C16orf78: variants seen among roughly 807,000 people sequenced by gnomAD.
C16orf78 encodes uncharacterized protein C16orf78.
In C16orf78, 19 loss-of-function variants were observed where a neutral mutation model predicts 27.3. The ratio of observed to expected loss-of-function variants is 0.70; its 90% CI spans 0.49 to 1.02. C16orf78 has a LOEUF of 1.02. C16orf78 is among the 50% of genes least tolerant of loss of function. The pLI is 0.00. For missense variants in C16orf78, 339 were observed against 337.0 expected (o/e 1.01, Z -0.05); for synonymous variants, 130 against 116.1 (o/e 1.12, Z -0.77).
intron 3 of C16orf78, among the ~76,000 whole-genome samples, chr16:49,384,118 G>A (rs1165763802): frequency 1.3e-5 from 2 of 152,152 alleles, no homozygotes; most frequent in Non-Finnish European, 2.9e-5. Context: ...GGAGGCCAAG[G>A]CAGGTGGATC....
At chr16:49,380,428 C>T (rs886322376) in intron 3 of C16orf78, among the ~76,000 whole-genome samples, 2 of 152,148 alleles carry the variant, frequency 1.3e-5, no homozygotes, top group African/African-American at 2.4e-5. Context: ...CCATACCTTC[C>T]CCGAATTTTC....
intron 3 of C16orf78, among the ~76,000 whole-genome samples, chr16:49,389,373 C>A (rs1056163232): frequency 1.3e-5 from 2 of 151,960 alleles, no homozygotes; most frequent in Non-Finnish European, 2.9e-5. Context: ...TTACAGTGAG[C>A]CGAGGTCGTG....
At chr16:49,390,800 A>T (rs1239018351) in intron 3 of C16orf78, among the ~76,000 whole-genome samples, 1 of 152,098 alleles carries the variant, frequency 6.6e-6, no homozygotes, top group East Asian at 1.9e-4. Context: ...AACCTAAATT[A>T]TCTGGTTTCT....
Position 49,399,133 on chromosome 16 carries a change from ACCTGAGGTTAT to A in C16orf78, c.656_666del (p.Leu219GlnfsTer32). On this transcript the variant is annotated frameshift_variant, in exon 5 of 5. Transcript: ENST00000299191. LOFTEE classifies it low-confidence loss of function (END_TRUNC). The stretch of plus-strand genomic sequence containing the variant: ...CTCTTTTGCCTTCTCTTGAACAGAT[ACCTGAGGTTAT>A]CCAAGGAGAACATTCGGACCTTGCT... 3 of 1,613,928 alleles carry A rather than the reference ACCTGAGGTTAT, an allele frequency of 1.9e-6. No homozygotes were observed. The highest frequency in any genetic ancestry group is 2.5e-6 in the Non-Finnish European group (3 of 1,179,898).
Position 49,387,136 on chromosome 16 carries a change from A to G in C16orf78, c.394+8543A>G, listed in dbSNP as rs140383376. Among the ~76,000 whole-genome samples the G allele has an allele frequency of 4.9e-3, 745 of 152,254 alleles. 6 individuals are homozygous for G. Among genetic ancestry groups the G allele is most frequent in the African/African-American group, 0.017 (712 of 41,548 alleles). The stretch of plus-strand genomic sequence containing the variant: ...ATTTTTTGACTTTTTAATAATAGCC[A>G]TTCTGACTGGTGTGAGATGGTATCT... On this transcript the variant is annotated intron_variant, in intron 3 of 4. Transcript: ENST00000299191.
At chr16:49,384,644 A>G (rs1965326340) in intron 3 of C16orf78, among the ~76,000 whole-genome samples, 1 of 152,236 alleles carries the variant, frequency 6.6e-6, no homozygotes, top group Non-Finnish European at 1.5e-5. Flanking sequence ...TAATGGCTGC[A>G]AAGTTCCCAA....
chr16:49,381,465 G>T (rs1299631898), intron 3 of C16orf78, among the ~76,000 whole-genome samples: 1 of 152,156 alleles, frequency 6.6e-6, no homozygotes, highest in Admixed American at 6.5e-5. Flanking sequence ...ACTACCATCA[G>T]AGTGAACAGG....
At chr16:49,377,594 C>A in intron 1 of C16orf78, 137 bp from the exon 2 acceptor site, 1 of 1,127,524 alleles carries the variant, frequency 8.9e-7, no homozygotes, top group Non-Finnish European at 1.2e-6. Flanking sequence ...ACAGTGACGA[C>A]AGGCCCTAGA....
At chr16:49,384,691 C>G (rs1474739359) in intron 3 of C16orf78, among the ~76,000 whole-genome samples, 1 of 152,060 alleles carries the variant, frequency 6.6e-6, no homozygotes, top group Non-Finnish European at 1.5e-5. Context: ...ATTCATGAGG[C>G]CCAATCATTC....
At chr16:49,378,189 C>A (rs879925763) in intron 2 of C16orf78, among the ~76,000 whole-genome samples, 27 of 152,204 alleles carry the variant, frequency 1.8e-4, no homozygotes, top group Non-Finnish European at 3.5e-4. Flanking sequence ...GCTAACAGGG[C>A]AGAACCACCC....
intron 3 of C16orf78, among the ~76,000 whole-genome samples, chr16:49,395,601 A>G (rs1965461449): frequency 6.6e-6 from 1 of 152,246 alleles, no homozygotes; most frequent in Non-Finnish European, 1.5e-5. Context: ...TGTTTGGTAC[A>G]AACCCCATAT....
At chr16:49,392,354 G>C (rs1965423892) in intron 3 of C16orf78, among the ~76,000 whole-genome samples, 3 of 152,128 alleles carry the variant, frequency 2.0e-5, no homozygotes, top group Admixed American at 2.0e-4. Flanking sequence ...TCCTTCATCT[G>C]CAGAAAATTC....
intron 3 of C16orf78, among the ~76,000 whole-genome samples, chr16:49,389,054 T>G (rs748534586): frequency 6.6e-6 from 1 of 152,252 alleles, no homozygotes; most frequent in African/African-American, 2.4e-5. Flanking sequence ...TTCTCTTTCT[T>G]CTTTTCCTGC....
At chr16:49,386,836 T>C (rs549533560) in intron 3 of C16orf78, among the ~76,000 whole-genome samples, 88 of 152,334 alleles carry the variant, frequency 5.8e-4, no homozygotes, top group African/African-American at 1.9e-3. Flanking sequence ...TTTTCTTTAT[T>C]CAGCCTACCA....
At chr16:49,385,634 G>A (rs1433253088) in intron 3 of C16orf78, among the ~76,000 whole-genome samples, 6 of 146,854 alleles carry the variant, frequency 4.1e-5, no homozygotes, top group Non-Finnish European at 7.4e-5. Context: ...CAGCCTGGGT[G>A]ACAGAGTGAG....
At position 49,399,020 on chromosome 16, in the gene C16orf78, C is replaced by A. The variant is rs557439990; in HGVS notation, c.651-111C>A. The A allele has an allele frequency of 3.4e-5, 41 of 1,194,344 alleles. No individual in the cohort carries two copies. In the African/African-American group the frequency reaches 5.0e-4, roughly 15 times the overall value. 74.0% of individuals were successfully genotyped at this position (1,194,344 alleles called of 1,614,324 possible). A position where few individuals can be genotyped will look rare whatever the true frequency, so the allele number is the denominator to read the frequency against. On this transcript the variant is annotated intron_variant, in intron 4 of 4. Coordinates refer to ENST00000299191, the MANE Select transcript of C16orf78 (RefSeq NM_144602.4). ...CCATGGATGACTGGGAGAGACAGCCCCTTGCAGAGCACCCACACTTACTGC... is the reference window on the plus strand; with the variant it reads ...CCATGGATGACTGGGAGAGACAGCCACTTGCAGAGCACCCACACTTACTGC...
At chr16:49,392,136 T>A (rs1283589836) in intron 3 of C16orf78, among the ~76,000 whole-genome samples, 1 of 152,142 alleles carries the variant, frequency 6.6e-6, no homozygotes, top group African/African-American at 2.4e-5. Context: ...ACTTTGTTGA[T>A]GAAATCTTAC....
chr16:49,389,631 C>T (rs1288559994), intron 3 of C16orf78, among the ~76,000 whole-genome samples: 2 of 152,136 alleles, frequency 1.3e-5, no homozygotes, highest in African/African-American at 2.4e-5. Context: ...GATTCTGTTA[C>T]AGTGTGTAGT....
At chr16:49,377,427 G>T (rs1038730283) in intron 1 of C16orf78, among the ~76,000 whole-genome samples, 1 of 152,228 alleles carries the variant, frequency 6.6e-6, no homozygotes, top group African/African-American at 2.4e-5. Context: ...GGCTGGAGGG[G>T]CTTCCTACCA....
Sources: gnomAD v4.1 joint callset for allele counts (sites outside exome capture counted in the v4.1 genomes callset) on GRCh38, gnomAD v4.1.1 for gene constraint, MANE v1.5 for transcripts, NCBI Gene and HGNC (gene_info 2026-07-23, HGNC 2026-07-21) for gene names.